Variants in OR5A2 observed in about 807,000 individuals in gnomAD.
OR5A2 encodes olfactory receptor family 5 subfamily A member 2, also known as olfactory receptor 5A2.
For missense variants in OR5A2, 406 were observed against 398.9 expected (o/e 1.02, Z -0.15); for synonymous variants, 155 against 151.1 (o/e 1.03, Z -0.19).
At position 59,421,564 on chromosome 11, in the gene OR5A2, C is replaced by T. The variant is rs1194631007; in HGVS notation, c.*415G>A. 1 of 164,790 alleles carries T rather than the reference C, an allele frequency of 6.1e-6. No individual in the cohort carries two copies. The highest frequency in any genetic ancestry group is 2.4e-5 in the African/African-American group (1 of 41,610). The allele number at this position is 164,790 out of a possible 1,614,324, so 10.2% of individuals were successfully genotyped here. On this transcript the variant is annotated 3_prime_UTR_variant, in exon 2 of 2. Transcript: ENST00000302040. ...TGGTTTTCATGAGCTCTAAGGAAAC[C>T]ATTTGAGAATCTCAGAAGAGGGAAA...
Position 59,421,823 on chromosome 11 carries a change from C to A in OR5A2, c.*156G>T. On this transcript the variant is annotated 3_prime_UTR_variant, in exon 2 of 2. Transcript: ENST00000302040. ...TATTCATTTTACAAGCAACAATGGC[C>A]AAAATGTTTTCTAATAGCCAACAGG... is the stretch of plus-strand genomic sequence containing the variant. 1.3e-6 allele frequency: 1 copy of A among 791,096 alleles called. No individual in the cohort carries two copies. Among genetic ancestry groups the A allele is most frequent in the Non-Finnish European group, 2.0e-6 (1 of 505,492 alleles). 49.0% of individuals were successfully genotyped at this position (791,096 alleles called of 1,614,324 possible). A position where few individuals can be genotyped will look rare whatever the true frequency, so the allele number is the denominator to read the frequency against.
rs2134519931 is a variant in OR5A2, at chr11:59,417,903, G to A, written c.*4076C>T. 1 of 152,084 alleles carries A rather than the reference G, an allele frequency of 6.6e-6. No homozygotes were observed. The highest frequency in any genetic ancestry group is 1.5e-5 in the Non-Finnish European group (1 of 67,938). 9.4% of individuals were successfully genotyped at this position (152,084 alleles called of 1,614,324 possible). ...GTAAGTGAATGTTGATGGTGCATAG[G>A]ACAACAACAAGGTGTCTACAAAACT... On this transcript the variant is annotated 3_prime_UTR_variant, in exon 2 of 2. Coordinates refer to ENST00000302040, the MANE Select transcript of OR5A2 (RefSeq NM_001001954.2).
rs1201314304 is a variant in OR5A2, at chr11:59,417,287, G to A, written c.*4692C>T. 1.3e-5 allele frequency: 2 copies of A among 151,994 alleles called. No homozygotes were observed. The highest frequency in any genetic ancestry group is 2.9e-5 in the Non-Finnish European group (2 of 67,984). 9.4% of individuals were successfully genotyped at this position (151,994 alleles called of 1,614,324 possible). Reference sequence around the variant, plus strand: ...CTGAAGAGAGATGCTGCTATATCTAGTTTGTAAAAGTTCCAAGCCATGAAT... The same window carrying A: ...CTGAAGAGAGATGCTGCTATATCTAATTTGTAAAAGTTCCAAGCCATGAAT... On this transcript the variant is annotated 3_prime_UTR_variant, in exon 2 of 2. Transcript: ENST00000302040.
chr11:59,422,670 A>T lies in OR5A2; in HGVS notation c.284T>A (p.Phe95Tyr). 1.2e-6 allele frequency: 2 copies of T among 1,614,160 alleles called. No individual in the cohort carries two copies. The highest frequency in any genetic ancestry group is 1.7e-6 in the Non-Finnish European group (2 of 1,180,016). Residue 95 changes from phenylalanine (F) to tyrosine (Y), a missense_variant, in exon 2 of 2, where the codon TTT becomes TAT. Transcript: ENST00000302040. ...DIITEQKTIS[F>Y]VGCATQYFVF... is the part of the protein sequence containing the mutation. The stretch of plus-strand genomic sequence containing the variant: ...AAAGTACTGAGTGGCACAGCCAACA[A>T]AGGAAATGGTTTTCTGCTCTGTGAT...
rs768548871 is a variant in OR5A2 at position 59,422,331 on chromosome 11, C to G, written c.623G>C (p.Gly208Ala). The G allele has an allele frequency of 6.2e-7, 1 of 1,614,086 alleles. No homozygotes were observed. Among genetic ancestry groups the G allele is most frequent in the East Asian group, 2.2e-5 (1 of 44,848 alleles). ...GAGGACCACTAGCACAGACACTATT[C>G]CAACGACAACACTGACTATGAAGGT... Reference protein sequence around the residue: ...VVTFIVSVVVGIVSVLVVLIS... With the variant: ...VVTFIVSVVVAIVSVLVVLIS... Residue 208 changes from glycine (G) to alanine (A), a missense_variant, in exon 2 of 2, where the codon GGA becomes GCA. By Grantham distance (60) the Gly-to-Ala change is moderately conservative. Coordinates refer to ENST00000302040, the MANE Select transcript of OR5A2 (RefSeq NM_001001954.2).
In OR5A2 at chr11:59,419,966, T is replaced by G. The variant is rs1319705142; in HGVS notation, c.*2013A>C. 1 of 152,182 alleles carries G rather than the reference T, an allele frequency of 6.6e-6. No individual in the cohort carries two copies. Among genetic ancestry groups the G allele is most frequent in the Non-Finnish European group, 1.5e-5 (1 of 68,014 alleles). 9.4% of individuals were successfully genotyped at this position (152,182 alleles called of 1,614,324 possible). On this transcript the variant is annotated 3_prime_UTR_variant, in exon 2 of 2. Transcript: ENST00000302040. ...TGTGGATTTTTCCCACAAGAGACTT[T>G]GCAAGGCAATTTCAAGGTATGTCAA...
Position 59,420,875 on chromosome 11 carries a change from A to C in OR5A2, c.*1104T>G, listed in dbSNP as rs1479127366. On this transcript the variant is annotated 3_prime_UTR_variant, in exon 2 of 2. Coordinates refer to ENST00000302040, the MANE Select transcript of OR5A2 (RefSeq NM_001001954.2). ...AGATTCCTAAGAAACTTTAATTGTC[A>C]GTTAGAAAGCTGTCACTTTGGGCTT... is the stretch of plus-strand genomic sequence containing the variant. 1 of 152,172 alleles carries C rather than the reference A, an allele frequency of 6.6e-6. No homozygotes were observed. The highest frequency in any genetic ancestry group is 1.5e-5 in the Non-Finnish European group (1 of 68,020). The allele number at this position is 152,172 out of a possible 1,614,324, so 9.4% of individuals were successfully genotyped here.
rs754627023 is a variant in OR5A2 at position 59,421,970 on chromosome 11, T to C, written c.*9A>G. On this transcript the variant is annotated 3_prime_UTR_variant, in exon 2 of 2. Transcript: ENST00000302040. ...ACAATTCACCTAGCTCACAGCTTCA[T>C]TGTAAACATTAGCCCAAGGTCATAA... is the stretch of plus-strand genomic sequence containing the variant. 1.9e-6 allele frequency: 3 copies of C among 1,582,470 alleles called. No individual in the cohort carries two copies. The highest frequency in any genetic ancestry group is 2.6e-6 in the Non-Finnish European group (3 of 1,163,340).
chr11:59,419,280 G>T lies in OR5A2; in HGVS notation c.*2699C>A, dbSNP rs192816969. ...TTGGTCTCTTTTTAACACATTACCCGGATTTTCCTTGACTTATATAAAACT... is the reference window on the plus strand; with the variant it reads ...TTGGTCTCTTTTTAACACATTACCCTGATTTTCCTTGACTTATATAAAACT... On this transcript the variant is annotated 3_prime_UTR_variant, in exon 2 of 2. Coordinates refer to ENST00000302040, the MANE Select transcript of OR5A2 (RefSeq NM_001001954.2). The T allele has an allele frequency of 2.6e-5, 4 of 152,074 alleles. No individual in the cohort carries two copies. Among genetic ancestry groups the T allele is most frequent in the Non-Finnish European group, 5.9e-5 (4 of 68,004 alleles). The allele number at this position is 152,074 out of a possible 1,614,324, so 9.4% of individuals were successfully genotyped here.
Position 59,422,756 on chromosome 11 carries a change from G to T in OR5A2, c.198C>A (p.Asn66Lys), listed in dbSNP as rs375840404. 83 of 1,614,024 alleles carry T rather than the reference G, an allele frequency of 5.1e-5. No individual in the cohort carries two copies. The highest frequency in any genetic ancestry group is 3.6e-5 in the Non-Finnish European group (42 of 1,180,004). ...CATAGCAGATGTCCAGGAAGGACAG[G>T]TTACTGAGGAAGAAGTACATGGGCA... ...LHMPMYFFLS[N>K]LSFLDICYVS... The change falls in exon 2 of 2, where the codon AAC becomes AAA. Residue 66 changes from asparagine (N) to lysine (K), a missense_variant. By Grantham distance (94) the Asn-to-Lys change is moderately conservative. Coordinates refer to ENST00000302040, the MANE Select transcript of OR5A2 (RefSeq NM_001001954.2).
chr11:59,422,837 C>T lies in OR5A2; in HGVS notation c.117G>A (p.Thr39=), dbSNP rs779859668. Residue 39 remains threonine, a synonymous_variant, in exon 2 of 2, where the codon ACG becomes ACA. Coordinates refer to ENST00000302040, the MANE Select transcript of OR5A2 (RefSeq NM_001001954.2). ...FMLFLGLYLL[T]LAWNLSLIAL... ...CAATGAGGCTTAAGTTCCAGGCCAA[C>T]GTCAGGAGGTAGAGCCCCAGAAATA... The T allele has an allele frequency of 1.9e-6, 3 of 1,613,946 alleles. No individual in the cohort carries two copies. Among genetic ancestry groups the T allele is most frequent in the African/African-American group, 1.3e-5 (1 of 74,910 alleles).
rs776120518 is a variant in OR5A2 at position 59,422,332 on chromosome 11, C to T, written c.622G>A (p.Gly208Arg). 2.1e-5 allele frequency: 34 copies of T among 1,613,972 alleles called. No individual in the cohort carries two copies. Among genetic ancestry groups the T allele is most frequent in the Non-Finnish European group, 1.7e-6 (2 of 1,180,034 alleles). ...AGGACCACTAGCACAGACACTATTC[C>T]AACGACAACACTGACTATGAAGGTC... ...VVTFIVSVVV[G>R]IVSVLVVLIS... The change falls in exon 2 of 2, where the codon GGA (glycine) becomes AGA (arginine). Residue 208 changes from glycine (G) to arginine (R), a missense_variant. By Grantham distance (125) the Gly-to-Arg change is moderately radical. Coordinates refer to ENST00000302040, the MANE Select transcript of OR5A2 (RefSeq NM_001001954.2).
rs1438245025 is a variant in OR5A2 at position 59,421,113 on chromosome 11, C to T, written c.*866G>A. 2 of 152,822 alleles carry T rather than the reference C, an allele frequency of 1.3e-5. No individual in the cohort carries two copies. Among genetic ancestry groups the T allele is most frequent in the African/African-American group, 4.8e-5 (2 of 41,458 alleles). The allele number at this position is 152,822 out of a possible 1,614,324, so 9.5% of individuals were successfully genotyped here. On this transcript the variant is annotated 3_prime_UTR_variant, in exon 2 of 2. Coordinates refer to ENST00000302040, the MANE Select transcript of OR5A2 (RefSeq NM_001001954.2). ...AAGCATGGTGCTGGCATCAGCTTAG[C>T]TTCTAGGGAGGCCTCAGGAAACTTA... is the stretch of plus-strand genomic sequence containing the variant.
rs1380678474 is a variant in OR5A2, at chr11:59,422,699, G to A, written c.255C>T (p.Asp85=). Residue 85 remains aspartate, a synonymous_variant, in exon 2 of 2, where the codon GAC becomes GAT. Coordinates refer to ENST00000302040, the MANE Select transcript of OR5A2 (RefSeq NM_001001954.2). ...AAATGGTTTTCTGCTCTGTGATGAT[G>A]TCAGACAGCATCTTAGGGGCGGTGG... The part of the protein sequence containing the change: ...VSSTAPKMLS[D]IITEQKTISF... The A allele has an allele frequency of 3.7e-6, 6 of 1,614,086 alleles. No individual in the cohort carries two copies. The highest frequency in any genetic ancestry group is 1.3e-5 in the African/African-American group (1 of 74,924).
In OR5A2 at chr11:59,420,638, A is replaced by T. The variant is rs1858210082; in HGVS notation, c.*1341T>A. 1 of 152,130 alleles carries T rather than the reference A, an allele frequency of 6.6e-6. No individual in the cohort carries two copies. The highest frequency in any genetic ancestry group is 6.6e-5 in the Admixed American group (1 of 15,266). The allele number at this position is 152,130 out of a possible 1,614,324, so 9.4% of individuals were successfully genotyped here. On this transcript the variant is annotated 3_prime_UTR_variant, in exon 2 of 2. Transcript: ENST00000302040. ...ACACACAGGCAGATATTATTTACTC[A>T]CTTATTTATAGCCTACCCAAGAAAG...
rs756148129 is a variant in OR5A2 at position 59,417,308 on chromosome 11, T to A, written c.*4671A>T. The A allele has an allele frequency of 2.0e-5, 3 of 152,030 alleles. No homozygotes were observed. The highest frequency in any genetic ancestry group is 4.4e-5 in the Non-Finnish European group (3 of 67,990). 9.4% of individuals were successfully genotyped at this position (152,030 alleles called of 1,614,324 possible). ...TCTAGTTTGTAAAAGTTCCAAGCCATGAATGCAAGAGACCGGTGTGGCTAT... is the reference window on the plus strand; with the variant it reads ...TCTAGTTTGTAAAAGTTCCAAGCCAAGAATGCAAGAGACCGGTGTGGCTAT... On this transcript the variant is annotated 3_prime_UTR_variant, in exon 2 of 2. Transcript: ENST00000302040.
chr11:59,419,152 T>C lies in OR5A2; in HGVS notation c.*2827A>G, dbSNP rs890291801. The C allele has an allele frequency of 6.6e-6, 1 of 152,184 alleles. No individual in the cohort carries two copies. The highest frequency in any genetic ancestry group is 1.5e-5 in the Non-Finnish European group (1 of 68,030). 9.4% of individuals were successfully genotyped at this position (152,184 alleles called of 1,614,324 possible). On this transcript the variant is annotated 3_prime_UTR_variant, in exon 2 of 2. Coordinates refer to ENST00000302040, the MANE Select transcript of OR5A2 (RefSeq NM_001001954.2). ...GAGCCCGCTCTAGTTCCCTAAGAAC[T>C]GCTTCTGATATGCAAGAGAAATCAT...
At position 59,419,545 on chromosome 11, in the gene OR5A2, G is replaced by T. The variant is rs895132977; in HGVS notation, c.*2434C>A. 6.6e-6 allele frequency: 1 copy of T among 152,128 alleles called. No individual in the cohort carries two copies. The highest frequency in any genetic ancestry group is 6.6e-5 in the Admixed American group (1 of 15,260). 9.4% of individuals were successfully genotyped at this position (152,128 alleles called of 1,614,324 possible). A position where few individuals can be genotyped will look rare whatever the true frequency, so the allele number is the denominator to read the frequency against. On this transcript the variant is annotated 3_prime_UTR_variant, in exon 2 of 2. Coordinates refer to ENST00000302040, the MANE Select transcript of OR5A2 (RefSeq NM_001001954.2). ...AAGGTCCTGAGAATATTCGCCCAAG[G>T]TGGTCGGGGTACAGCTTGGTTTTAT...
chr11:59,417,992 TC>T lies in OR5A2; in HGVS notation c.*3986del, dbSNP rs1335296799. On this transcript the variant is annotated 3_prime_UTR_variant, in exon 2 of 2. Transcript: ENST00000302040. ...ACGCACTCTCTGTGTGTAAATTGTG[TC>T]ACAGAAGCATTTTAGAGAAAAAAAT... The T allele has an allele frequency of 6.6e-6, 1 of 152,082 alleles. No individual in the cohort carries two copies. The allele number at this position is 152,082 out of a possible 1,614,324, so 9.4% of individuals were successfully genotyped here.
Sources: gnomAD v4.1 joint callset for allele counts on GRCh38, gnomAD v4.1.1 for gene constraint, MANE v1.5 for transcripts, NCBI Gene and HGNC (gene_info 2026-07-23, HGNC 2026-07-21) for gene names.